Variants in CEP128 observed in about 807,000 individuals in gnomAD.
CEP128 encodes centrosomal protein 128.
CEP128 carries 132 observed loss-of-function variants against 156.7 expected under a neutral mutation model. The ratio of observed to expected loss-of-function variants is 0.84; its 90% CI spans 0.73 to 0.97. The LOEUF is 0.97. Ranked by LOEUF, CEP128 falls within the 50% of genes least tolerant of loss-of-function variation. The probability of loss-of-function intolerance (pLI) is 0.00; values close to 1 mark genes in which losing one functional copy is unlikely to be tolerated. For synonymous variants in CEP128, 469 were observed against 448.9 expected (o/e 1.04, Z -0.57); for missense variants, 1,252 against 1,281.9 (o/e 0.98, Z 0.36).
intron 19 of CEP128, among the ~76,000 whole-genome samples, chr14:80,629,422 A>G (rs1893870988): frequency 6.6e-6 from 1 of 152,176 alleles, no homozygotes; most frequent in Middle Eastern, 3.4e-3. Context: ...GTATTTATTT[A>G]TATTTCACAG....
downstream of CEP128, among the ~76,000 whole-genome samples, chr14:80,489,142 A>T (rs1887240972): frequency 5.3e-5 from 8 of 152,130 alleles, no homozygotes; most frequent in South Asian, 1.7e-3. Context: ...AATAATAAAA[A>T]AAAAGAGAGA....
At chr14:80,779,844 T>C (rs1047062585) in intron 15 of CEP128, among the ~76,000 whole-genome samples, 1 of 152,212 alleles carries the variant, frequency 6.6e-6, no homozygotes, top group Non-Finnish European at 1.5e-5. Flanking sequence ...GTGATGTTTG[T>C]GCACAACAAC....
chr14:80,809,898 A>T (rs1236527093), intron 13 of CEP128, among the ~76,000 whole-genome samples: 1 of 152,190 alleles, frequency 6.6e-6, no homozygotes. Context: ...ATGAAAACAC[A>T]TGAAGATATA....
At chr14:80,596,050 A>AG (rs1199694406) in intron 19 of CEP128, among the ~76,000 whole-genome samples, 1 of 111,862 alleles carries the variant, frequency 8.9e-6, no homozygotes, top group African/African-American at 4.0e-5. Flanking sequence ...CCATATCAGC[A>AG]GGGAAAAAAA....
intron 13 of CEP128, among the ~76,000 whole-genome samples, chr14:80,806,015 T>C (rs1011733913): frequency 6.6e-6 from 1 of 152,190 alleles, no homozygotes; most frequent in African/African-American, 2.4e-5. Flanking sequence ...AAATAAAACA[T>C]CAGGGGCCAT....
At chr14:80,834,974 G>A (rs1467379931) in intron 12 of CEP128, among the ~76,000 whole-genome samples, 1 of 152,094 alleles carries the variant, frequency 6.6e-6, no homozygotes, top group Non-Finnish European at 1.5e-5. Flanking sequence ...GAGGTGTTTG[G>A]GTCACGTAGA....
intron 2 of CEP128, among the ~76,000 whole-genome samples, chr14:80,956,571 T>G (rs1323322158): frequency 2.0e-5 from 3 of 152,224 alleles, no homozygotes; most frequent in Admixed American, 6.5e-5. Context: ...AAATCAGTGA[T>G]CATTGAAATT....
In CEP128 at chr14:80,706,152, C is replaced by G. The variant is rs151132173; in HGVS notation, c.2806+36923G>C. On this transcript the variant is annotated intron_variant, in intron 19 of 24. Transcript: ENST00000555265. ...CTAGAAGAAACTTTCCCTCATCAACCCTTTGGTTACTATAAGACAAAAAAA... is the reference window on the plus strand; with the variant it reads ...CTAGAAGAAACTTTCCCTCATCAACGCTTTGGTTACTATAAGACAAAAAAA... Among the ~76,000 whole-genome samples the G allele has an allele frequency of 4.0e-3, 602 of 152,018 alleles. 6 individuals are homozygous for G. The highest frequency in any genetic ancestry group is 0.014 in the African/African-American group (579 of 41,456).
At chr14:80,517,408 C>T (rs1192528990) in intron 23 of CEP128, among the ~76,000 whole-genome samples, 2 of 152,074 alleles carry the variant, frequency 1.3e-5, no homozygotes, top group East Asian at 1.9e-4. Context: ...CACAAATTTG[C>T]ATAAATTCTG....
chr14:80,842,103 T>C (rs573717882), intron 9 of CEP128, among the ~76,000 whole-genome samples: 1 of 152,058 alleles, frequency 6.6e-6, no homozygotes, highest in African/African-American at 2.4e-5. Flanking sequence ...ATAAGTTGTT[T>C]ATAATATTGA....
chr14:80,671,359 T>TTAAA (rs1421098756), intron 19 of CEP128, among the ~76,000 whole-genome samples: 2 of 152,146 alleles, frequency 1.3e-5, no homozygotes, highest in Non-Finnish European at 2.9e-5. Flanking sequence ...CCTTGGATTG[T>TTAAA]AGGTAAGATA....
chr14:80,729,061 GTGT>G (rs1566881010), intron 19 of CEP128, among the ~76,000 whole-genome samples: 23 of 26,260 alleles, frequency 8.8e-4, no homozygotes, highest in Non-Finnish European at 1.3e-3. Flanking sequence ...TGGTGGGGGT[GTGT>G]GTGTGTGTGT....
At chr14:80,937,362 A>G (rs990117701) in intron 2 of CEP128, among the ~76,000 whole-genome samples, 2 of 152,100 alleles carry the variant, frequency 1.3e-5, no homozygotes, top group Non-Finnish European at 2.9e-5. Context: ...CAGAAAATCT[A>G]TTTCTATGAC....
At chr14:80,844,869 T>G (rs912388284) in intron 9 of CEP128, among the ~76,000 whole-genome samples, 1 of 106,072 alleles carries the variant, frequency 9.4e-6, no homozygotes, top group Non-Finnish European at 2.0e-5. Context: ...CTGACCTATT[T>G]TCTCCAATGA....
intron 17 of CEP128, among the ~76,000 whole-genome samples, chr14:80,759,417 T>C (rs1899841336): frequency 6.6e-6 from 1 of 152,200 alleles, no homozygotes; most frequent in African/African-American, 2.4e-5. Flanking sequence ...ACATTTTACA[T>C]GATTCTTCCA....
At chr14:80,638,914 C>T (rs746787607) in intron 19 of CEP128, among the ~76,000 whole-genome samples, 1 of 152,076 alleles carries the variant, frequency 6.6e-6, no homozygotes, top group Non-Finnish European at 1.5e-5. Context: ...ATTACGAAAC[C>T]ACTTAGGTTA....
intron 16 of CEP128, among the ~76,000 whole-genome samples, chr14:80,776,654 T>C (rs1352453471): frequency 6.6e-6 from 1 of 151,530 alleles, no homozygotes; most frequent in Non-Finnish European, 1.5e-5. Context: ...AGTAGTTTTA[T>C]GACAATCCAC....
intron 22 of CEP128, among the ~76,000 whole-genome samples, chr14:80,529,606 T>C (rs1323879156): frequency 6.6e-6 from 1 of 152,202 alleles, no homozygotes; most frequent in Non-Finnish European, 1.5e-5. Flanking sequence ...ATATTTTCTC[T>C]TGTCTGCCCT....
intron 19 of CEP128, among the ~76,000 whole-genome samples, chr14:80,702,913 T>C (rs931469709): frequency 5.3e-5 from 8 of 152,090 alleles, no homozygotes; most frequent in African/African-American, 1.7e-4. Flanking sequence ...TACCTAAGCA[T>C]AGTAGGGTTT....
Sources: gnomAD v4.1 joint callset for allele counts (sites outside exome capture counted in the v4.1 genomes callset) on GRCh38, gnomAD v4.1.1 for gene constraint, MANE v1.5 for transcripts, NCBI Gene and HGNC (gene_info 2026-07-23, HGNC 2026-07-21) for gene names.